The following TAFA1 variants were observed in gnomAD, a reference collection of about 807,000 sequenced individuals.
TAFA1 encodes the protein chemokine-like protein TAFA-1.
In TAFA1, 4 loss-of-function variants were observed where a neutral mutation model predicts 18.5. That is an observed-to-expected ratio of 0.22 (90% CI 0.11 to 0.49). The LOEUF (loss-of-function observed/expected upper bound fraction) is 0.49. TAFA1 is among the 20% of genes least tolerant of loss of function. The pLI is 0.98. For missense variants in TAFA1, 147 were observed against 169.0 expected (o/e 0.87, Z 0.72); for synonymous variants, 56 against 55.2 (o/e 1.01, Z -0.06).
intron 2 of TAFA1, among the ~76,000 whole-genome samples, chr3:68,120,222 T>C (rs2065378848): frequency 7.4e-6 from 1 of 135,044 alleles, no homozygotes; most frequent in African/African-American, 2.9e-5. Context: ...TCTTTCTTTC[T>C]TTCTTTCTTT....
chr3:68,523,005 G>T (rs1481108273), intron 3 of TAFA1, among the ~76,000 whole-genome samples: 1 of 152,222 alleles, frequency 6.6e-6, no homozygotes, highest in Non-Finnish European at 1.5e-5. Context: ...GAACCCGGGA[G>T]GCGGAGGTTG....
chr3:68,016,818 T>C (rs1002775252), intron 2 of TAFA1, among the ~76,000 whole-genome samples: 26 of 152,222 alleles, frequency 1.7e-4, no homozygotes, highest in African/African-American at 6.0e-4. Context: ...CCATAATATT[T>C]ATCTTATTTT....
chr3:68,517,307 TTATAG>T (rs1035596366), intron 3 of TAFA1, among the ~76,000 whole-genome samples: 2 of 152,244 alleles, frequency 1.3e-5, no homozygotes, highest in African/African-American at 4.8e-5. Context: ...AGTTTTCCAC[TTATAG>T]TAAGGTAATA....
intron 2 of TAFA1, among the ~76,000 whole-genome samples, chr3:68,241,972 C>T (rs2067006317): frequency 6.6e-6 from 1 of 152,132 alleles, no homozygotes; most frequent in African/African-American, 2.4e-5. Flanking sequence ...CCAGAGATTT[C>T]GTTTTGCCCT....
intron 2 of TAFA1, among the ~76,000 whole-genome samples, chr3:68,212,117 G>A (rs913691566): frequency 6.6e-6 from 1 of 151,862 alleles, no homozygotes; most frequent in Admixed American, 6.6e-5. Flanking sequence ...TGAAGAGACA[G>A]CATTTGACTC....
chr3:68,349,268 A>G (rs1467191525), intron 2 of TAFA1, among the ~76,000 whole-genome samples: 1 of 151,870 alleles, frequency 6.6e-6, no homozygotes, highest in East Asian at 1.9e-4. Flanking sequence ...ATCTGCACCT[A>G]CTTTTTTCTT....
chr3:68,122,769 C>G (rs1045657868), intron 2 of TAFA1, among the ~76,000 whole-genome samples: 1 of 151,772 alleles, frequency 6.6e-6, no homozygotes, highest in Non-Finnish European at 1.5e-5. Context: ...TTTACCATAA[C>G]TTGCTTCATG....
At chr3:68,264,148 T>C (rs1907589) in intron 2 of TAFA1, among the ~76,000 whole-genome samples, 12,568 of 152,090 alleles carry the variant, frequency 0.083, 777 homozygotes, top group East Asian at 0.34. Context: ...TAGGCACCTG[T>C]AATCCCAGCG....
At chr3:68,286,607 A>G (rs868394280) in intron 2 of TAFA1, among the ~76,000 whole-genome samples, 6 of 152,160 alleles carry the variant, frequency 3.9e-5, no homozygotes, top group African/African-American at 1.4e-4. Flanking sequence ...AAAGTTAGGA[A>G]TTGCAAAAAC....
intron 2 of TAFA1, among the ~76,000 whole-genome samples, chr3:68,261,513 C>G (rs544966758): frequency 2.4e-4 from 37 of 152,250 alleles, no homozygotes; most frequent in Middle Eastern, 3.4e-3. Context: ...TTGGAACCAA[C>G]CCAAATGTCC....
At position 68,087,065 on chromosome 3, in the gene TAFA1, C is replaced by T. The variant is rs139890572; in HGVS notation, c.118+80321C>T. Among the ~76,000 whole-genome samples the T allele has an allele frequency of 3.6e-3, 553 of 152,266 alleles. 4 individuals are homozygous for T. Among genetic ancestry groups the T allele is most frequent in the African/African-American group, 0.012 (517 of 41,550 alleles). ...AGAGTTTGGCATTTGTGGCTTTTTGCACACTATGAAATATTTATGCATTGT... is the reference window on the plus strand; with the variant it reads ...AGAGTTTGGCATTTGTGGCTTTTTGTACACTATGAAATATTTATGCATTGT... On this transcript the variant is annotated intron_variant, in intron 2 of 4. Coordinates refer to ENST00000478136, the MANE Select transcript of TAFA1 (RefSeq NM_213609.4).
At chr3:68,476,865 T>C (rs1332705970) in intron 3 of TAFA1, among the ~76,000 whole-genome samples, 1 of 152,158 alleles carries the variant, frequency 6.6e-6, no homozygotes, top group East Asian at 1.9e-4. Context: ...ATGAAATGAG[T>C]ATGTTCTATC....
At chr3:68,151,315 A>G (rs2065803665) in intron 2 of TAFA1, among the ~76,000 whole-genome samples, 1 of 152,156 alleles carries the variant, frequency 6.6e-6, no homozygotes, top group African/African-American at 2.4e-5. Context: ...TATATTGACA[A>G]TGTCCTAAGT....
intron 2 of TAFA1, among the ~76,000 whole-genome samples, chr3:68,079,021 C>T (rs1055114184): frequency 6.6e-6 from 1 of 152,192 alleles, no homozygotes. Context: ...GATTCAACTT[C>T]TTCCTGGTTT....
intron 2 of TAFA1, among the ~76,000 whole-genome samples, chr3:68,269,196 G>A (rs2067611019): frequency 6.6e-6 from 1 of 152,158 alleles, no homozygotes; most frequent in Non-Finnish European, 1.5e-5. Flanking sequence ...GCTCACTCCT[G>A]TAATCCCAGT....
intron 3 of TAFA1, among the ~76,000 whole-genome samples, chr3:68,509,762 T>A (rs960545435): frequency 2.0e-5 from 3 of 152,192 alleles, no homozygotes; most frequent in Admixed American, 2.0e-4. Flanking sequence ...TGGAGAGAAT[T>A]ACACAAGAAG....
At chr3:68,203,123 T>C (rs981538510) in intron 2 of TAFA1, among the ~76,000 whole-genome samples, 1 of 151,814 alleles carries the variant, frequency 6.6e-6, no homozygotes. Flanking sequence ...TTCATTTCTC[T>C]CTCTTTTTTG....
At chr3:68,078,475 G>C (rs2064855143) in intron 2 of TAFA1, among the ~76,000 whole-genome samples, 1 of 152,124 alleles carries the variant, frequency 6.6e-6, no homozygotes, top group African/African-American at 2.4e-5. Context: ...ATTATCTTGA[G>C]ATACGTCCCA....
rs1175174572 is a variant in TAFA1 at position 68,231,344 on chromosome 3, A to ATTTTTTTTTTTTTTTT, written c.119-185924_119-185909dup. ...ATCTACCCATGCTTTAATCTATTTG[A>ATTTTTTTTTTTTTTTT]TTTTTTTTTTTTTTTTTTTTTTTTT... On this transcript the variant is annotated intron_variant, in intron 2 of 4. Coordinates refer to ENST00000478136, the MANE Select transcript of TAFA1 (RefSeq NM_213609.4). Among the ~76,000 whole-genome samples the ATTTTTTTTTTTTTTTT allele has an allele frequency of 2.5e-5, 2 of 79,852 alleles. 1 individual carries two copies. Among genetic ancestry groups the ATTTTTTTTTTTTTTTT allele is most frequent in the Admixed American group, 2.8e-4 (2 of 7,116 alleles). 52.4% of individuals were successfully genotyped at this position (79,852 alleles called of 152,430 possible). A position where few individuals can be genotyped will look rare whatever the true frequency, so the allele number is the denominator to read the frequency against.
Sources: gnomAD v4.1 joint callset for allele counts (sites outside exome capture counted in the v4.1 genomes callset) on GRCh38, gnomAD v4.1.1 for gene constraint, MANE v1.5 for transcripts, NCBI Gene and HGNC (gene_info 2026-07-23, HGNC 2026-07-21) for gene names.